Variants in ATXN1 observed in about 807,000 individuals in gnomAD.
ATXN1 encodes ataxin-1.
Under a neutral mutation model 56.4 loss-of-function variants are expected in ATXN1, and 8 were observed. That is an observed-to-expected ratio of 0.14 (90% CI 0.08 to 0.26). ATXN1 has a LOEUF of 0.26. Ranked by LOEUF, ATXN1 falls within the 10% of genes least tolerant of loss-of-function variation. The pLI, the probability that ATXN1 is intolerant of heterozygous loss-of-function variation, is 1.00. For missense variants in ATXN1, 987 were observed against 1,106.5 expected, an observed-to-expected ratio of 0.89 and a Z score of 1.53; for synonymous variants, 514 against 494.6, an observed-to-expected ratio of 1.04 and a Z score of -0.52.
chr6:16,697,093 CAG>C (rs552515643), intron 2 of ATXN1, among the ~76,000 whole-genome samples: 35 of 152,288 alleles, frequency 2.3e-4, no homozygotes, highest in African/African-American at 8.2e-4. Context: ...GAGCTAGTAA[CAG>C]AGTGTTAGTA....
At chr6:16,628,707 A>G (rs1763450562) in intron 3 of ATXN1, among the ~76,000 whole-genome samples, 1 of 152,218 alleles carries the variant, frequency 6.6e-6, no homozygotes, top group Admixed American at 6.5e-5. Context: ...GTAAGTGAGA[A>G]CATGCAGTAT....
At chr6:16,603,634 A>G in intron 3 of ATXN1, among the ~76,000 whole-genome samples, 1 of 152,236 alleles carries the variant, frequency 6.6e-6, no homozygotes, top group Middle Eastern at 3.2e-3. Context: ...TGAATTTCAA[A>G]AATCAAATAC....
At chr6:16,522,083 G>A (rs1360667825) in intron 5 of ATXN1, among the ~76,000 whole-genome samples, 3 of 152,172 alleles carry the variant, frequency 2.0e-5, no homozygotes, top group Non-Finnish European at 4.4e-5. Context: ...CATGCAGCTA[G>A]GAGCCAAACA....
intron 2 of ATXN1, among the ~76,000 whole-genome samples, chr6:16,715,913 C>G (rs935980040): frequency 1.3e-5 from 2 of 152,160 alleles, no homozygotes; most frequent in African/African-American, 4.8e-5. Context: ...CAAGCATTCC[C>G]AAATTACTGG....
intron 6 of ATXN1, among the ~76,000 whole-genome samples, chr6:16,378,131 C>T (rs958159202): frequency 3.9e-5 from 6 of 152,176 alleles, no homozygotes; most frequent in African/African-American, 1.4e-4. Flanking sequence ...TTTGTCTATG[C>T]CAGGTGGCCT....
At position 16,306,944 on chromosome 6, in the gene ATXN1, C is replaced by T; in HGVS notation, c.1918-85G>A. ...ATTCTTGTTTGATTTTATGCACACA[C>T]ACAGGTATGAACTCACACAGACACA... On this transcript the variant is annotated intron_variant, in intron 7 of 7. Transcript: ENST00000436367. This position sits in a 1 kb window ranked among gnomAD's most constrained non-coding sequence, Gnocchi z 5.2. 7.0e-7 allele frequency: 1 copy of T among 1,432,272 alleles called. No individual in the cohort carries two copies. Among genetic ancestry groups the T allele is most frequent in the Non-Finnish European group, 9.3e-7 (1 of 1,070,708 alleles). The allele number at this position is 1,432,272 out of a possible 1,614,324, so 88.7% of individuals were successfully genotyped here. A position where few individuals can be genotyped will look rare whatever the true frequency, so the allele number is the denominator to read the frequency against.
rs1042051846 is a variant in ATXN1, at chr6:16,506,079, C to A, written c.-299+16548G>T. Among the ~76,000 whole-genome samples, 3 of 152,124 alleles carry A rather than the reference C, an allele frequency of 2.0e-5. No individual in the cohort carries two copies. The highest frequency in any genetic ancestry group is 2.0e-4 in the Admixed American group (3 of 15,252). On this transcript the variant is annotated intron_variant, in intron 5 of 7. Transcript: ENST00000436367. This position sits in a 1 kb window ranked among gnomAD's most constrained non-coding sequence, Gnocchi z 4.1. Reference sequence around the variant, plus strand: ...AGCATCATGGTTTTGGCAGGGAACTCAGAAAATCTTGGCATCAGGGCTTAC... The same window carrying A: ...AGCATCATGGTTTTGGCAGGGAACTAAGAAAATCTTGGCATCAGGGCTTAC...
chr6:16,678,806 CG>C (rs1418647498), intron 2 of ATXN1, among the ~76,000 whole-genome samples: 1 of 152,074 alleles, frequency 6.6e-6, no homozygotes, highest in South Asian at 2.1e-4. Context: ...GAGGCCGAGG[CG>C]GGTGGATCAC....
chr6:16,583,374 T>C (rs955917144), intron 4 of ATXN1, among the ~76,000 whole-genome samples: 6 of 152,214 alleles, frequency 3.9e-5, no homozygotes, highest in African/African-American at 9.6e-5. Flanking sequence ...CTTTTCAACG[T>C]TACGATGGAG....
chr6:16,745,019 A>G (rs1322507634), intron 2 of ATXN1, among the ~76,000 whole-genome samples: 2 of 152,224 alleles, frequency 1.3e-5, no homozygotes, highest in African/African-American at 2.4e-5. Flanking sequence ...TGCTAATTGT[A>G]AAAAGAACAA....
At chr6:16,466,317 C>CAAAAAAAAAAA (rs200261208) in intron 6 of ATXN1, among the ~76,000 whole-genome samples, 1 of 79,866 alleles carries the variant, frequency 1.3e-5, no homozygotes, top group African/African-American at 5.0e-5. Flanking sequence ...GACCCCATCT[C>CAAAAAAAAAAA]AAAAAAAAAA....
At chr6:16,673,439 C>A (rs969390811) in intron 2 of ATXN1, among the ~76,000 whole-genome samples, 1 of 152,170 alleles carries the variant, frequency 6.6e-6, no homozygotes, top group African/African-American at 2.4e-5. Context: ...TTATCCTGCT[C>A]TTCCCACTCA....
At chr6:16,408,962 GGT>G (rs1473352829) in intron 6 of ATXN1, among the ~76,000 whole-genome samples, 1 of 152,124 alleles carries the variant, frequency 6.6e-6, no homozygotes, top group Non-Finnish European at 1.5e-5. Context: ...GCACACAGTA[GGT>G]GCTTCATAAA....
intron 3 of ATXN1, among the ~76,000 whole-genome samples, chr6:16,597,383 G>A (rs865824211): frequency 5.3e-5 from 8 of 151,888 alleles, no homozygotes; most frequent in Non-Finnish European, 7.4e-5. Context: ...TCACATGTTC[G>A]AAGAATGCCT....
At chr6:16,655,399 G>A (rs1050844573) in intron 3 of ATXN1, among the ~76,000 whole-genome samples, 1 of 152,188 alleles carries the variant, frequency 6.6e-6, no homozygotes, top group Non-Finnish European at 1.5e-5. Flanking sequence ...GCGCGTGCCT[G>A]TAGTCTCGGC....
intron 4 of ATXN1, among the ~76,000 whole-genome samples, chr6:16,584,454 T>C (rs1299745438): frequency 3.9e-5 from 6 of 151,964 alleles, no homozygotes; most frequent in Admixed American, 3.9e-4. Flanking sequence ...TCTAGTGATT[T>C]CATAGTTGTC....
intron 3 of ATXN1, among the ~76,000 whole-genome samples, chr6:16,642,256 G>C (rs570402887): frequency 2.6e-5 from 4 of 152,280 alleles, no homozygotes; most frequent in Admixed American, 2.6e-4. Flanking sequence ...TTAGCCCAGC[G>C]TGGTGGTGCG....
chr6:16,484,243 A>G (rs1050539363), intron 6 of ATXN1, among the ~76,000 whole-genome samples: 2 of 152,008 alleles, frequency 1.3e-5, no homozygotes, highest in African/African-American at 4.8e-5. Context: ...GACCAGCCTG[A>G]GCAACATGGT....
At position 16,424,493 on chromosome 6, in the gene ATXN1, C is replaced by A. The variant is rs549269240; in HGVS notation, c.-161+61479G>T. Among the ~76,000 whole-genome samples, 10 of 152,268 alleles carry A rather than the reference C, an allele frequency of 6.6e-5. No individual in the cohort carries two copies. The South Asian group carries it at 1.5e-3, about 22-fold the overall frequency. Reference sequence around the variant, plus strand: ...ATAATAGTATCTAGTTGATTTACATCCAGGGTTGCCCAGGGTTCTAGTGTG... The same window carrying A: ...ATAATAGTATCTAGTTGATTTACATACAGGGTTGCCCAGGGTTCTAGTGTG... On this transcript the variant is annotated intron_variant, in intron 6 of 7. Coordinates refer to ENST00000436367, the MANE Select transcript of ATXN1 (RefSeq NM_001128164.2).
Sources: allele counts gnomAD v4.1 joint callset (sites outside exome capture counted in the v4.1 genomes callset), GRCh38; gene constraint gnomAD v4.1.1; non-coding constraint Gnocchi (gnomAD v3.1); transcripts MANE v1.5; gene names NCBI Gene and HGNC (gene_info 2026-07-23, HGNC 2026-07-21).